STK35: variants seen among roughly 807,000 people sequenced by gnomAD.
STK35 encodes serine/threonine kinase 35.
A neutral mutation model predicts 37.3 loss-of-function variants in STK35; 17 were observed. The observed-to-expected ratio is 0.46, with a 90% CI of 0.31 to 0.68. The LOEUF (loss-of-function observed/expected upper bound fraction) is 0.68, where lower values mean the gene tolerates loss of function less well. Among genes scored for constraint, STK35 ranks in the 30% least tolerant of loss-of-function variants. STK35 has a pLI of 0.05. For synonymous variants in STK35, 385 were observed against 319.1 expected (o/e 1.21, Z -2.20); for missense variants, 595 against 746.7 (o/e 0.80, Z 2.37).
Position 2,103,208 on chromosome 20 carries a change from G to A in STK35, c.735G>A (p.Leu245=), listed in dbSNP as rs747330924. Reference sequence around the variant, plus strand: ...CCCCCGAGAACGTGGAGCTGGCGCTGGCTGAATTCTGGGCCCTCACCAGCC... The same window carrying A: ...CCCCCGAGAACGTGGAGCTGGCGCTAGCTGAATTCTGGGCCCTCACCAGCC... ...CDAPENVELA[L]AEFWALTSLK... Residue 245 remains leucine, a synonymous_variant, in exon 2 of 4, where the codon CTG becomes CTA. Coordinates refer to ENST00000381482, the MANE Select transcript of STK35 (RefSeq NM_080836.4). The A allele has an allele frequency of 3.1e-6, 5 of 1,611,594 alleles. No individual in the cohort carries two copies. In the Admixed American group the frequency reaches 6.7e-5, roughly 22 times the overall value.
intron 3 of STK35, among the ~76,000 whole-genome samples, chr20:2,126,066 C>T (rs955714414): frequency 2.0e-5 from 3 of 152,204 alleles, no homozygotes; most frequent in Non-Finnish European, 4.4e-5. Flanking sequence ...AGCAGAATGG[C>T]AGCGGTTGCT....
chr20:2,143,953 CTTTTCT>C lies in STK35; in HGVS notation c.*212_*217del, dbSNP rs1318098917. 4 of 361,540 alleles carry C rather than the reference CTTTTCT, an allele frequency of 1.1e-5. No homozygotes were observed. Among genetic ancestry groups the C allele is most frequent in the Admixed American group, 8.8e-5 (2 of 22,724 alleles). The allele number at this position is 361,540 out of a possible 1,614,324, so 22.4% of individuals were successfully genotyped here. On this transcript the variant is annotated 3_prime_UTR_variant, in exon 4 of 4. Coordinates refer to ENST00000381482, the MANE Select transcript of STK35 (RefSeq NM_080836.4). ...AGTTTTGCTTTATTTTTTTCCTTTT[CTTTTCT>C]TTTTTTTTTTTCCTCTTTCCTTTTT... is the stretch of plus-strand genomic sequence containing the variant.
At position 2,147,993 on chromosome 20, in the gene STK35, CAGT is replaced by C. The variant is rs1283368739; in HGVS notation, c.*4250_*4252del. ...TGGAGAAATGCCCTCAAAGGGTAAC[CAGT>C]AGGTGTGGCATTGAATTGGCCAGTG... On this transcript the variant is annotated 3_prime_UTR_variant, in exon 4 of 4. Coordinates refer to ENST00000381482, the MANE Select transcript of STK35 (RefSeq NM_080836.4). The C allele has an allele frequency of 6.6e-6, 1 of 152,182 alleles. No individual in the cohort carries two copies. The highest frequency in any genetic ancestry group is 1.9e-4 in the East Asian group (1 of 5,188). The allele number at this position is 152,182 out of a possible 1,614,324, so 9.4% of individuals were successfully genotyped here.
At chr20:2,119,258 A>C (rs114198545) in intron 3 of STK35, among the ~76,000 whole-genome samples, 1,617 of 152,336 alleles carry the variant, frequency 0.011, 34 homozygotes, top group African/African-American at 0.037. Context: ...GTTGATGCAC[A>C]GAGTCAAGAG....
chr20:2,117,393 C>T lies in STK35; in HGVS notation c.*15C>T, dbSNP rs367647679. On this transcript the variant is annotated 3_prime_UTR_variant, in exon 3 of 4. Transcript: ENST00000381482. This position sits in a 1 kb window ranked among gnomAD's most constrained non-coding sequence, Gnocchi z 4.4. ...GTGCTGCTTAAAATTCAGGGCTAAG[C>T]ATTTTGGGTGATTTTAAACTAGGTG... is the stretch of plus-strand genomic sequence containing the variant. The T allele has an allele frequency of 1.3e-5, 21 of 1,570,842 alleles. No homozygotes were observed. Among genetic ancestry groups the T allele is most frequent in the Non-Finnish European group, 1.7e-5 (20 of 1,155,446 alleles).
chr20:2,139,272 T>G (rs774200980), intron 3 of STK35, among the ~76,000 whole-genome samples: 1 of 152,198 alleles, frequency 6.6e-6, no homozygotes, highest in Non-Finnish European at 1.5e-5. Flanking sequence ...TTTCTCAGTC[T>G]TCTTAAACAG....
intron 3 of STK35, among the ~76,000 whole-genome samples, chr20:2,132,989 G>T (rs527977886): frequency 1.1e-4 from 17 of 152,286 alleles, no homozygotes; most frequent in African/African-American, 3.6e-4. Context: ...TATTTTGTTT[G>T]TTTTTGCCAA....
chr20:2,142,082 G>T (rs1352248946), intron 3 of STK35, among the ~76,000 whole-genome samples: 4 of 152,180 alleles, frequency 2.6e-5, no homozygotes, highest in Non-Finnish European at 5.9e-5. Flanking sequence ...AGTGTGCGGG[G>T]CACCCTCACC....
intron 3 of STK35, among the ~76,000 whole-genome samples, chr20:2,130,091 G>T (rs1417291705): frequency 6.6e-6 from 1 of 152,186 alleles, no homozygotes. Flanking sequence ...GAGTGACTGG[G>T]TGGTGGGAAC....
rs1284031569 is a variant in STK35 at position 2,147,753 on chromosome 20, C to T, written c.*4007C>T. The T allele has an allele frequency of 1.3e-5, 2 of 152,242 alleles. No homozygotes were observed. The highest frequency in any genetic ancestry group is 2.9e-5 in the Non-Finnish European group (2 of 68,076). The allele number at this position is 152,242 out of a possible 1,614,324, so 9.4% of individuals were successfully genotyped here. The stretch of plus-strand genomic sequence containing the variant: ...TTTCCCTCCTAGGCCTGTCTGGCAG[C>T]CCCCAGACAGACGTAGCTCCTGGGA... On this transcript the variant is annotated 3_prime_UTR_variant, in exon 4 of 4. Transcript: ENST00000381482.
chr20:2,142,510 C>T (rs1568583637), intron 3 of STK35, among the ~76,000 whole-genome samples: 1 of 152,160 alleles, frequency 6.6e-6, no homozygotes, highest in African/African-American at 2.4e-5. Flanking sequence ...TTTAAAAACT[C>T]CTAGATGGGC....
chr20:2,106,639 CTG>C (rs1985521009), intron 2 of STK35, among the ~76,000 whole-genome samples: 2 of 152,176 alleles, frequency 1.3e-5, no homozygotes, highest in South Asian at 4.1e-4. Flanking sequence ...GTGCCTAGGA[CTG>C]TGGATAGGCG....
chr20:2,103,479 C>T, intron 2 of STK35, 114 bp downstream of exon 2: 2 of 1,000,398 alleles, frequency 2.0e-6, no homozygotes, highest in Non-Finnish European at 2.9e-6. Flanking sequence ...TCCCTGTCAC[C>T]CTGTGCCCTG....
rs745356612 is a variant in STK35, at chr20:2,102,907, C to A, written c.434C>A (p.Thr145Lys). 1.1e-4 allele frequency: 176 copies of A among 1,561,762 alleles called. No individual in the cohort carries two copies. The highest frequency in any genetic ancestry group is 1.2e-4 in the Non-Finnish European group (142 of 1,162,454). ...GGGAAGGACGGCGCCCGCAGAGGTA[C>A]ACAAAGCCCGGAGCGGAAAAGGCGA... ...ETGKDGARRG[T>K]QSPERKRRSP... The change falls in exon 2 of 4, where the codon ACA becomes AAA. Residue 145 changes from threonine (T) to lysine (K), a missense_variant. Physicochemically the swap from Thr to Lys is moderately conservative, Grantham distance 78 (BLOSUM62 -1). This residue lies in a region of STK35 where 389 missense variants were observed against 320.0 expected (regional missense o/e 1.22). Transcript: ENST00000381482.
At chr20:2,106,841 G>A (rs545327469) in intron 2 of STK35, among the ~76,000 whole-genome samples, 11 of 152,166 alleles carry the variant, frequency 7.2e-5, no homozygotes, top group African/African-American at 9.7e-5. Flanking sequence ...CAGAAGCTTC[G>A]GAGGAATAGA....
chr20:2,105,547 G>A (rs1343245728), intron 2 of STK35, among the ~76,000 whole-genome samples: 1 of 152,208 alleles, frequency 6.6e-6, no homozygotes, highest in African/African-American at 2.4e-5. Context: ...GCTCATCCCA[G>A]GACTGACTGC....
intron 3 of STK35, among the ~76,000 whole-genome samples, chr20:2,137,468 G>A (rs768740689): frequency 9.9e-5 from 15 of 152,184 alleles, no homozygotes; most frequent in Non-Finnish European, 1.8e-4. Context: ...CGTAAGGCGT[G>A]GACCTGTGGT....
At chr20:2,110,819 T>G (rs755949414) in intron 2 of STK35, among the ~76,000 whole-genome samples, 1 of 152,236 alleles carries the variant, frequency 6.6e-6, no homozygotes, top group Admixed American at 6.5e-5. Flanking sequence ...CAGAGTCTGC[T>G]GTGGGAACTA....
intron 2 of STK35, among the ~76,000 whole-genome samples, chr20:2,104,842 G>A (rs1985483822): frequency 6.6e-6 from 1 of 152,082 alleles, no homozygotes; most frequent in African/African-American, 2.4e-5. Flanking sequence ...TCTCCCCAGG[G>A]TGAGTGTTTT....
Sources: allele counts gnomAD v4.1 joint callset (sites outside exome capture counted in the v4.1 genomes callset), GRCh38; gene constraint gnomAD v4.1.1; regional missense constraint gnomAD v4.1.1; non-coding constraint Gnocchi (gnomAD v3.1); transcripts MANE v1.5; gene names NCBI Gene and HGNC (gene_info 2026-07-23, HGNC 2026-07-21).